Variants in TEC observed in about 807,000 individuals in gnomAD.
TEC encodes tec protein tyrosine kinase.
A neutral mutation model predicts 93.0 loss-of-function variants in TEC; 72 were observed. The observed-to-expected ratio is 0.77, with a 90% CI of 0.64 to 0.94. The LOEUF (loss-of-function observed/expected upper bound fraction) is 0.94. TEC is among the 40% of genes least tolerant of loss of function. The pLI is 0.00. For missense variants in TEC, 630 were observed against 757.9 expected, an observed-to-expected ratio of 0.83 and a Z score of 1.98; for synonymous variants, 249 against 247.7, an observed-to-expected ratio of 1.01 and a Z score of -0.05.
intron 2 of TEC, among the ~76,000 whole-genome samples, chr4:48,225,465 C>T (rs1723420230): frequency 6.6e-6 from 1 of 152,206 alleles, no homozygotes. Context: ...GCATGAGCCA[C>T]CACGACCGGC....
intron 9 of TEC, 121 bp from the exon 10 acceptor site, chr4:48,151,063 C>T (rs1560376900): frequency 1.5e-6 from 1 of 664,870 alleles, no homozygotes; most frequent in Non-Finnish European, 2.3e-6. Context: ...GAAAAAAATG[C>T]TTTGAAGAAG....
intron 2 of TEC, among the ~76,000 whole-genome samples, chr4:48,216,540 C>T (rs1029409388): frequency 1.3e-5 from 2 of 150,804 alleles, no homozygotes; most frequent in Non-Finnish European, 3.0e-5. Context: ...ACATACATTT[C>T]AAATTAAGAC....
chr4:48,237,001 G>A (rs1467310802), intron 1 of TEC, among the ~76,000 whole-genome samples: 4 of 152,090 alleles, frequency 2.6e-5, no homozygotes, highest in Non-Finnish European at 5.9e-5. Context: ...CCACAAATAT[G>A]TACAATTATT....
Position 48,190,397 on chromosome 4 carries a change from A to C in TEC, c.139-14211T>G, listed in dbSNP as rs565080894. 2.0e-5 allele frequency among the ~76,000 whole-genome samples: 3 copies of C among 152,282 alleles called. No homozygotes were observed. The East Asian group carries it at 5.8e-4, about 29-fold the overall frequency. Reference sequence around the variant, plus strand: ...ATGTGTCTGCTAAAATGATCTTCCCAGGTTCACTTGGAATTTTACTGAGAG... The same window carrying C: ...ATGTGTCTGCTAAAATGATCTTCCCCGGTTCACTTGGAATTTTACTGAGAG... On this transcript the variant is annotated intron_variant, in intron 2 of 17. Transcript: ENST00000381501.
Position 48,214,996 on chromosome 4 carries a change from T to TA in TEC, c.138+13480dup, listed in dbSNP as rs200743003. Among the ~76,000 whole-genome samples the TA allele has an allele frequency of 2.5e-4, 38 of 151,220 alleles. No individual in the cohort carries two copies. In the East Asian group the frequency reaches 7.4e-3, roughly 30 times the overall value. ...GGCAAAACCCTGTCTCTACTAAAAATACAAAAATTAGCCAGGCGAGGTGGA... is the reference window on the plus strand; with the variant it reads ...GGCAAAACCCTGTCTCTACTAAAAATAACAAAAATTAGCCAGGCGAGGTGGA... On this transcript the variant is annotated intron_variant, in intron 2 of 17. Coordinates refer to ENST00000381501, the MANE Select transcript of TEC (RefSeq NM_003215.3).
intron 2 of TEC, among the ~76,000 whole-genome samples, chr4:48,186,494 C>T (rs1357742848): frequency 2.6e-5 from 4 of 151,846 alleles, no homozygotes; most frequent in Non-Finnish European, 5.9e-5. Flanking sequence ...TGAGGAGCGC[C>T]TCTGCCTGGC....
chr4:48,199,552 C>T (rs184804541), intron 2 of TEC, among the ~76,000 whole-genome samples: 5 of 149,280 alleles, frequency 3.3e-5, no homozygotes, highest in Admixed American at 2.7e-4. Flanking sequence ...CTACAACCTC[C>T]GCCTCCCAGA....
intron 6 of TEC, 85 bp downstream of exon 6, chr4:48,168,501 T>G: frequency 2.9e-6 from 4 of 1,397,332 alleles, no homozygotes; most frequent in Non-Finnish European, 4.0e-6. Flanking sequence ...AACCGCATAC[T>G]CAGTAAGTCA....
chr4:48,225,869 A>T (rs1160854377), intron 2 of TEC, among the ~76,000 whole-genome samples: 1 of 152,078 alleles, frequency 6.6e-6, no homozygotes, highest in Non-Finnish European at 1.5e-5. Flanking sequence ...TCATCAGAGG[A>T]GTGGGGGTGA....
At chr4:48,259,410 T>C (rs1221026759) in intron 1 of TEC, among the ~76,000 whole-genome samples, 2 of 151,998 alleles carry the variant, frequency 1.3e-5, no homozygotes, top group African/African-American at 4.8e-5. Context: ...CATTAGACCA[T>C]GATATCTAGA....
intron 15 of TEC, among the ~76,000 whole-genome samples, chr4:48,140,622 G>A (rs757272976): frequency 1.3e-5 from 2 of 152,184 alleles, no homozygotes; most frequent in Non-Finnish European, 2.9e-5. Context: ...GCAGTCACAG[G>A]TAACACCTAA....
rs1720937735 is a variant in TEC, at chr4:48,167,907, T to C, written c.542A>G (p.Glu181Gly). Reference protein sequence around the residue: ...PIPLEEEDNSEEIVVAMYDFQ... With the variant: ...PIPLEEEDNSGEIVVAMYDFQ... ...ATCATACATGGCTACAACGATTTCT[T>C]CACTATTATCTTCTTCTTCTAGTGG... is the stretch of plus-strand genomic sequence containing the variant. Residue 181 changes from glutamate to glycine, a missense_variant, in exon 7 of 18, where the codon GAA becomes GGA. Coordinates refer to ENST00000381501, the MANE Select transcript of TEC (RefSeq NM_003215.3). The C allele has an allele frequency of 6.2e-7, 1 of 1,613,890 alleles. No homozygotes were observed. Among genetic ancestry groups the C allele is most frequent in the African/African-American group, 1.3e-5 (1 of 74,996 alleles).
intron 8 of TEC, among the ~76,000 whole-genome samples, chr4:48,158,366 T>C (rs1720484235): frequency 6.6e-6 from 1 of 152,214 alleles, no homozygotes; most frequent in Non-Finnish European, 1.5e-5. Flanking sequence ...AACATCTCAT[T>C]ACATGGATCC....
At chr4:48,142,499 G>C (rs1034243111) in intron 14 of TEC, among the ~76,000 whole-genome samples, 76 of 152,068 alleles carry the variant, frequency 5.0e-4, no homozygotes, top group African/African-American at 1.8e-3. Context: ...TGTAAATACA[G>C]TTTGCTTTTT....
At chr4:48,190,129 T>C (rs1444953635) in intron 2 of TEC, among the ~76,000 whole-genome samples, 1 of 152,226 alleles carries the variant, frequency 6.6e-6, no homozygotes, top group Non-Finnish European at 1.5e-5. Context: ...TTTCCTGCAA[T>C]TCTAGTGAGT....
chr4:48,201,294 C>T (rs1395728406), intron 2 of TEC, among the ~76,000 whole-genome samples: 2 of 152,128 alleles, frequency 1.3e-5, no homozygotes, highest in African/African-American at 4.8e-5. Context: ...TCTTTTCAGA[C>T]ATTTGAATTT....
At chr4:48,158,685 T>C (rs931764612) in intron 8 of TEC, among the ~76,000 whole-genome samples, 1 of 152,172 alleles carries the variant, frequency 6.6e-6, no homozygotes, top group Non-Finnish European at 1.5e-5. Flanking sequence ...TGGGTTCAGA[T>C]ACAAGAAATC....
chr4:48,185,421 G>C (rs2109571836), intron 2 of TEC, among the ~76,000 whole-genome samples: 1 of 152,280 alleles, frequency 6.6e-6, no homozygotes, highest in South Asian at 2.1e-4. Flanking sequence ...CTTTCTAAGA[G>C]AAGTCAAATG....
At chr4:48,218,022 A>G (rs1186354613) in intron 2 of TEC, among the ~76,000 whole-genome samples, 1 of 152,124 alleles carries the variant, frequency 6.6e-6, no homozygotes, top group East Asian at 1.9e-4. Flanking sequence ...TAAAGGAGTA[A>G]GTAAGACCCT....
Sources: allele counts gnomAD v4.1 joint callset (sites outside exome capture counted in the v4.1 genomes callset), GRCh38; gene constraint gnomAD v4.1.1; transcripts MANE v1.5; gene names NCBI Gene and HGNC (gene_info 2026-07-23, HGNC 2026-07-21).